EYA4: variants seen among roughly 807,000 people sequenced by gnomAD.
The protein encoded by EYA4 is protein phosphatase EYA4.
Under a neutral mutation model 87.9 loss-of-function variants are expected in EYA4, and 31 were observed. That is an observed-to-expected ratio of 0.35 (90% confidence interval 0.27 to 0.48). EYA4 has a LOEUF of 0.48. Ranked by LOEUF, EYA4 falls within the 20% of genes least tolerant of loss-of-function variation. The pLI, the probability that EYA4 is intolerant of heterozygous loss-of-function variation, is 0.99. For synonymous variants in EYA4, 263 were observed against 270.6 expected, an observed-to-expected ratio of 0.97 and a Z score of 0.28; for missense variants, 678 against 761.4, an observed-to-expected ratio of 0.89 and a Z score of 1.29.
At chr6:133,442,879 T>A (rs1792443986) in intron 3 of EYA4, among the ~76,000 whole-genome samples, 1 of 152,098 alleles carries the variant, frequency 6.6e-6, no homozygotes, top group South Asian at 2.1e-4. Flanking sequence ...ATGAATATTG[T>A]CAAATTTTTT....
At chr6:133,445,349 T>C (rs941610831) in intron 3 of EYA4, among the ~76,000 whole-genome samples, 1 of 152,186 alleles carries the variant, frequency 6.6e-6, no homozygotes, top group Non-Finnish European at 1.5e-5. Flanking sequence ...TATATTTACC[T>C]ATATATTTAC....
In EYA4 at chr6:133,524,376, A is replaced by T. The variant is rs183824710; in HGVS notation, c.1739-778A>T. Among the ~76,000 whole-genome samples, 740 of 152,324 alleles carry T rather than the reference A, an allele frequency of 4.9e-3. 3 individuals carry two copies. Among genetic ancestry groups the T allele is most frequent in the Middle Eastern group, 0.01 (3 of 294 alleles). On this transcript the variant is annotated intron_variant, in intron 18 of 19. Coordinates refer to ENST00000355286, the MANE Select transcript of EYA4 (RefSeq NM_004100.5). ...ACCATCAGATTAAGAAAAAAGGCAG[A>T]AGTAGCCATGGCTGCATGAACATTC... is the stretch of plus-strand genomic sequence containing the variant.
At chr6:133,267,884 A>G (rs1051148476) in intron 1 of EYA4, among the ~76,000 whole-genome samples, 3 of 152,194 alleles carry the variant, frequency 2.0e-5, no homozygotes, top group East Asian at 3.9e-4. Context: ...GGGCTTAAAC[A>G]TATTTATAGC....
At chr6:133,492,872 A>G (rs866916822) in intron 13 of EYA4, among the ~76,000 whole-genome samples, 1 of 152,318 alleles carries the variant, frequency 6.6e-6, no homozygotes, top group Middle Eastern at 3.4e-3. Context: ...CATATAAAAT[A>G]AAATTCCTAG....
intron 3 of EYA4, among the ~76,000 whole-genome samples, chr6:133,408,456 A>T (rs1028310309): frequency 7.2e-5 from 11 of 152,234 alleles, no homozygotes. Context: ...TCTACGCATA[A>T]GATTAAATGA....
chr6:133,331,074 G>GATATAT (rs1322058980), intron 2 of EYA4, among the ~76,000 whole-genome samples: 1 of 129,078 alleles, frequency 7.7e-6, no homozygotes, highest in Non-Finnish European at 1.5e-5. Flanking sequence ...GTAGTGTAAT[G>GATATAT]ATTAATATAT....
At chr6:133,451,193 G>A (rs904424825) in intron 5 of EYA4, among the ~76,000 whole-genome samples, 17 of 152,042 alleles carry the variant, frequency 1.1e-4, no homozygotes, top group African/African-American at 3.9e-4. Flanking sequence ...TTTGACTTAT[G>A]AACACTGAAA....
At chr6:133,490,955 A>G (rs1332516671) in intron 13 of EYA4, among the ~76,000 whole-genome samples, 2 of 152,218 alleles carry the variant, frequency 1.3e-5, no homozygotes, top group East Asian at 3.8e-4. Flanking sequence ...ACCACATGTT[A>G]GGCCACAATA....
intron 17 of EYA4, among the ~76,000 whole-genome samples, chr6:133,517,440 A>G (rs910902992): frequency 1.3e-5 from 2 of 152,214 alleles, no homozygotes; most frequent in East Asian, 1.9e-4. Flanking sequence ...AAAAGAAGAA[A>G]AAAGCATGCT....
chr6:133,290,392 A>T (rs1234055257), intron 2 of EYA4, among the ~76,000 whole-genome samples: 1 of 152,194 alleles, frequency 6.6e-6, no homozygotes, highest in Non-Finnish European at 1.5e-5. Flanking sequence ...AAAATTTGAT[A>T]TGGGTTTATT....
chr6:133,352,148 T>C (rs543492616), intron 2 of EYA4, among the ~76,000 whole-genome samples: 1 of 152,358 alleles, frequency 6.6e-6, no homozygotes, highest in East Asian at 1.9e-4. Context: ...AGCTTTGATT[T>C]GCATTTTTAT....
intron 3 of EYA4, among the ~76,000 whole-genome samples, chr6:133,398,655 G>T (rs1039987952): frequency 6.6e-6 from 1 of 152,112 alleles, no homozygotes; most frequent in African/African-American, 2.4e-5. Flanking sequence ...GCATGCTATG[G>T]AAGGCTTGCT....
chr6:133,305,746 C>T (rs1242128614), intron 2 of EYA4, among the ~76,000 whole-genome samples: 1 of 152,146 alleles, frequency 6.6e-6, no homozygotes, highest in African/African-American at 2.4e-5. Context: ...ATCTATGCTA[C>T]ATGTGGTACC....
intron 19 of EYA4, 143 bp from the exon 20 acceptor site, chr6:133,528,582 C>G: frequency 1.3e-6 from 1 of 774,008 alleles, no homozygotes; most frequent in South Asian, 1.4e-5. Context: ...GATCATCCCG[C>G]CTTTAAACTC....
intron 5 of EYA4, among the ~76,000 whole-genome samples, chr6:133,455,907 G>A (rs892434894): frequency 3.9e-5 from 6 of 152,038 alleles, no homozygotes; most frequent in Non-Finnish European, 5.9e-5. Flanking sequence ...CCATTACCAC[G>A]TAGAAATAAC....
At chr6:133,345,185 C>A (rs1418079420) in intron 2 of EYA4, among the ~76,000 whole-genome samples, 1 of 152,042 alleles carries the variant, frequency 6.6e-6, no homozygotes, top group East Asian at 1.9e-4. Context: ...AAAAAAAATA[C>A]TGTGTAAAAC....
chr6:133,312,955 C>T (rs1047148577), intron 2 of EYA4, among the ~76,000 whole-genome samples: 1 of 152,024 alleles, frequency 6.6e-6, no homozygotes, highest in African/African-American at 2.4e-5. Context: ...CTTTGCCTTT[C>T]CTTGTTGGGG....
At position 133,531,545 on chromosome 6, in the gene EYA4, C is replaced by T. The variant is rs1053058853; in HGVS notation, c.*2740C>T. 9 of 291,026 alleles carry T rather than the reference C, an allele frequency of 3.1e-5. No homozygotes were observed. The highest frequency in any genetic ancestry group is 1.9e-4 in the Admixed American group (4 of 20,760). The allele number at this position is 291,026 out of a possible 1,614,324, so 18.0% of individuals were successfully genotyped here. ...ATGTATACAGCTTGGTATATTACTA[C>T]GAAAGATAACCACCTTGTGTTGCAC... On this transcript the variant is annotated 3_prime_UTR_variant, in exon 20 of 20. Coordinates refer to ENST00000355286, the MANE Select transcript of EYA4 (RefSeq NM_004100.5).
intron 3 of EYA4, among the ~76,000 whole-genome samples, chr6:133,420,836 C>G (rs561320433): frequency 6.6e-6 from 1 of 152,308 alleles, no homozygotes; most frequent in South Asian, 2.1e-4. Flanking sequence ...GGGAATCAGA[C>G]AAGTACTTCT....
Sources: gnomAD v4.1 joint callset for allele counts (sites outside exome capture counted in the v4.1 genomes callset) on GRCh38, gnomAD v4.1.1 for gene constraint, MANE v1.5 for transcripts, NCBI Gene and HGNC (gene_info 2026-07-23, HGNC 2026-07-21) for gene names.